The following VARS1 variants were observed in gnomAD, a reference collection of about 807,000 sequenced individuals.
VARS1 encodes valyl-tRNA synthetase 1.
In VARS1, 92 loss-of-function variants were observed where a neutral mutation model predicts 161.0. The ratio of observed to expected loss-of-function variants is 0.57; its 90% CI spans 0.48 to 0.68. The LOEUF (loss-of-function observed/expected upper bound fraction) is 0.68. Among genes scored for constraint, VARS1 ranks in the 30% least tolerant of loss-of-function variants. The probability of loss-of-function intolerance (pLI) is 0.00; values close to 1 mark genes in which losing one functional copy is unlikely to be tolerated. For missense variants in VARS1, 1,338 were observed against 1,695.9 expected (o/e 0.79, Z 3.71); for synonymous variants, 595 against 682.5 (o/e 0.87, Z 2.00).
rs1174129028 is a variant in VARS1 at position 31,781,827 on chromosome 6, C to T, written c.2347+20G>A. The T allele has an allele frequency of 3.1e-6, 5 of 1,613,060 alleles. No individual in the cohort carries two copies. The highest frequency in any genetic ancestry group is 3.4e-6 in the Non-Finnish European group (4 of 1,180,026). ...TCTGCCCCCCACAACTCCCTCCAGA[C>T]CCTCAAAGCCCCGCCTTGCCTTGCT... On this transcript the variant is annotated intron_variant, in intron 19 of 29. Transcript: ENST00000375663. The surrounding 1 kb of genome is among the most constrained non-coding windows in gnomAD (Gnocchi z 6.8).
rs779600047 is a variant in VARS1, at chr6:31,781,593, C to G, written c.2432G>C (p.Ser811Thr). Residue 811 changes from serine (S) to threonine (T), a missense_variant, in exon 21 of 30, where the codon AGT becomes ACT. Coordinates refer to ENST00000375663, the MANE Select transcript of VARS1 (RefSeq NM_006295.3). This position sits in a 1 kb window ranked among gnomAD's most constrained non-coding sequence, Gnocchi z 6.8. ...CAGCAGTGTCCCGGGGTAGAACACA[C>G]TCAGGTCTTCTGACTGAGGGCAGAC... ...LGWPNQSEDLSVFYPGTLLET... is the reference protein window; with the variant it reads ...LGWPNQSEDLTVFYPGTLLET... 4 of 1,613,016 alleles carry G rather than the reference C, an allele frequency of 2.5e-6. No homozygotes were observed. Among genetic ancestry groups the G allele is most frequent in the Non-Finnish European group, 3.4e-6 (4 of 1,179,994 alleles).
In VARS1 at chr6:31,785,361, C is replaced by T. The variant is rs745825759; in HGVS notation, c.1266-34G>A. 1 of 1,612,288 alleles carries T rather than the reference C, an allele frequency of 6.2e-7. No homozygotes were observed. The highest frequency in any genetic ancestry group is 8.5e-7 in the Non-Finnish European group (1 of 1,179,534). ...AGACAGGCTGAGGTCAGCACTCGTG[C>T]CTGGGCTAGAGGGAGACATCAGGTG... On this transcript the variant is annotated intron_variant, in intron 9 of 29. Transcript: ENST00000375663. This position sits in a 1 kb window ranked among gnomAD's most constrained non-coding sequence, Gnocchi z 6.1.
intron 6 of VARS1, 58 bp from the exon 7 acceptor site, chr6:31,792,029 C>T (rs1022466696): frequency 2.1e-5 from 32 of 1,498,488 alleles, no homozygotes; most frequent in African/African-American, 2.1e-4. Flanking sequence ...GGGAAGGAGA[C>T]GTGCTGGCAG....
At chr6:31,786,665 CAAAAAAAAAAAAA>C (rs9279417) in intron 8 of VARS1, among the ~76,000 whole-genome samples, 7 of 31,590 alleles carry the variant, frequency 2.2e-4, no homozygotes, top group Admixed American at 1.4e-3. Context: ...GACTCTGTCT[CAAAAAAAAAAAAA>C]AAAAAAAAAA....
chr6:31,782,828 G>A lies in VARS1; in HGVS notation c.1780C>T (p.Pro594Ser), dbSNP rs1040606393. 14 of 1,612,390 alleles carry A rather than the reference G, an allele frequency of 8.7e-6. No individual in the cohort carries two copies. In the African/African-American group the frequency reaches 1.5e-4, roughly 17 times the overall value. Reference sequence around the variant, plus strand: ...TCATAGTCATTTTGGTCATGTGCGGGGGTGATCTTCACAGCACCTGGGTGT... The same window carrying A: ...TCATAGTCATTTTGGTCATGTGCGGAGGTGATCTTCACAGCACCTGGGTGT... ...DFGTGAVKIT[P>S]AHDQNDYEVG... The change falls in exon 15 of 30, where the codon CCC becomes TCC. Residue 594 changes from proline to serine, a missense_variant. Pro to Ser is a moderately conservative substitution (Grantham distance 74). Transcript: ENST00000375663. The surrounding 1 kb of genome is among the most constrained non-coding windows in gnomAD (Gnocchi z 8.3).
chr6:31,790,602 C>CAAAAAAA (rs9279419), intron 8 of VARS1, among the ~76,000 whole-genome samples: 5 of 43,386 alleles, frequency 1.2e-4, no homozygotes, highest in Non-Finnish European at 1.9e-4. Context: ...AACTCTGTCT[C>CAAAAAAA]AAAAAAAAAA....
rs761812699 is a variant in VARS1 at position 31,782,509 on chromosome 6, G to A, written c.1991+21C>T. The A allele has an allele frequency of 1.4e-5, 22 of 1,612,906 alleles. No individual in the cohort carries two copies. The highest frequency in any genetic ancestry group is 8.8e-5 in the South Asian group (8 of 91,072). On this transcript the variant is annotated intron_variant, in intron 16 of 29. Transcript: ENST00000375663. This position sits in a 1 kb window ranked among gnomAD's most constrained non-coding sequence, Gnocchi z 8.3. ...CTGAGGAGCCCTCCATCTTCCTCCC[G>A]TCCCAGGCCCCCACCCTCACTTGCA...
chr6:31,792,935 A>G, intron 3 of VARS1, 40 bp from the exon 4 acceptor site: 1 of 1,614,152 alleles, frequency 6.2e-7, no homozygotes, highest in Non-Finnish European at 8.5e-7. Flanking sequence ...GTCACCCTAC[A>G]GTGAGGTCTG....
At position 31,795,104 on chromosome 6, in the gene VARS1, G is replaced by T; in HGVS notation, c.114C>A (p.Pro38=). ...GEGPGWGGAH[P]RICLQPPPTS... ...TCGGGGGTGGCTGGAGACAGATGCG[G>T]GGGTGGGCTCCTCCCCATCCGGGAC... The change falls in exon 2 of 30, where the codon CCC becomes CCA. Residue 38 remains proline, a synonymous_variant. Transcript: ENST00000375663. This position sits in a 1 kb window ranked among gnomAD's most constrained non-coding sequence, Gnocchi z 6.9. 1 of 1,488,850 alleles carries T rather than the reference G, an allele frequency of 6.7e-7. No homozygotes were observed. Among genetic ancestry groups the T allele is most frequent in the Non-Finnish European group, 9.0e-7 (1 of 1,117,104 alleles). The allele number at this position is 1,488,850 out of a possible 1,614,324, so 92.2% of individuals were successfully genotyped here. A position where few individuals can be genotyped will look rare whatever the true frequency, so the allele number is the denominator to read the frequency against.
intron 8 of VARS1, among the ~76,000 whole-genome samples, chr6:31,788,372 C>T (rs982997215): frequency 3.3e-5 from 5 of 151,454 alleles, no homozygotes; most frequent in African/African-American, 4.9e-5. Flanking sequence ...TGGTGGCATG[C>T]GCCTGTAATC....
At position 31,795,008 on chromosome 6, in the gene VARS1, C is replaced by T. The variant is rs753770365; in HGVS notation, c.210G>A (p.Trp70Ter). Residue 70 changes from tryptophan to a stop codon, truncating the protein, a stop_gained, in exon 2 of 30, where the codon TGG becomes TGA. Coordinates refer to ENST00000375663, the MANE Select transcript of VARS1 (RefSeq NM_006295.3). LOFTEE classifies it high-confidence loss of function. This position sits in a 1 kb window ranked among gnomAD's most constrained non-coding sequence, Gnocchi z 6.9. The stretch of plus-strand genomic sequence containing the variant: ...GCAGCTGGGCCACAGCCGTGGCCCC[C>T]CACACCCAGAGCCCACCGGGCCCCT... The part of the protein sequence containing the change: ...LEQGPGGLWV[W>*]GATAVAQLLW... 1 of 1,600,958 alleles carries T rather than the reference C, an allele frequency of 6.2e-7. No homozygotes were observed. The highest frequency in any genetic ancestry group is 8.5e-7 in the Non-Finnish European group (1 of 1,172,528).
chr6:31,788,076 C>T (rs1813619484), intron 8 of VARS1, among the ~76,000 whole-genome samples: 1 of 150,958 alleles, frequency 6.6e-6, no homozygotes, highest in Non-Finnish European at 1.5e-5. Flanking sequence ...GCAGAGACTG[C>T]GCCACTGCAC....
Position 31,778,918 on chromosome 6 carries a change from T to C in VARS1, c.3726+49A>G. The stretch of plus-strand genomic sequence containing the variant: ...ACTCGGACCAGCCCAGACCAGGGTT[T>C]TGATGGAGGAAGGGGATGGTGTGGG... On this transcript the variant is annotated intron_variant, in intron 29 of 29. Coordinates refer to ENST00000375663, the MANE Select transcript of VARS1 (RefSeq NM_006295.3). This position sits in a 1 kb window ranked among gnomAD's most constrained non-coding sequence, Gnocchi z 5.1. The C allele has an allele frequency of 6.2e-7, 1 of 1,611,096 alleles. No individual in the cohort carries two copies.
chr6:31,789,301 G>GA (rs1328717642), intron 8 of VARS1, among the ~76,000 whole-genome samples: 1 of 151,904 alleles, frequency 6.6e-6, no homozygotes, highest in African/African-American at 2.4e-5. Context: ...GAAAAACGGG[G>GA]AAAAGATAGA....
chr6:31,783,546 G>C (rs1200323929), intron 13 of VARS1, among the ~76,000 whole-genome samples: 3 of 152,000 alleles, frequency 2.0e-5, no homozygotes. Context: ...GAAGGGGCCT[G>C]GTGCCATGGC....
In VARS1 at chr6:31,779,051, C is replaced by T. The variant is rs770088989; in HGVS notation, c.3642G>A (p.Gln1214=). 4 of 1,612,702 alleles carry T rather than the reference C, an allele frequency of 2.5e-6. No individual in the cohort carries two copies. In the Admixed American group the frequency reaches 5.0e-5, roughly 20 times the overall value. Residue 1214 remains glutamine (Q), a synonymous_variant, in exon 29 of 30, where the codon CAG becomes CAA. Coordinates refer to ENST00000375663, the MANE Select transcript of VARS1 (RefSeq NM_006295.3). The surrounding 1 kb of genome is among the most constrained non-coding windows in gnomAD (Gnocchi z 9.1). ...LQAKRVEAQR[Q]AQRLRERRAA... is the part of the protein sequence containing the mutation. ...CACGGCGTTCCCGCAGACGCTGGGC[C>T]TGCCGCTGGGCCTCAACTCGCTTGG...
Position 31,781,962 on chromosome 6 carries a change from G to A in VARS1, c.2242-10C>T, listed in dbSNP as rs762587470. 2.0e-5 allele frequency: 33 copies of A among 1,612,970 alleles called. No homozygotes were observed. Among genetic ancestry groups the A allele is most frequent in the Non-Finnish European group, 2.8e-5 (33 of 1,180,016 alleles). ...ACCGCCCATCAGGGTCCTGCCACAG[G>A]TGCAGTGATTACCCAAGGGGGTGTG... is the stretch of plus-strand genomic sequence containing the variant. On this transcript the variant is annotated splice_polypyrimidine_tract_variant and intron_variant, in intron 18 of 29. Coordinates refer to ENST00000375663, the MANE Select transcript of VARS1 (RefSeq NM_006295.3). This position sits in a 1 kb window ranked among gnomAD's most constrained non-coding sequence, Gnocchi z 6.8.
At position 31,785,201 on chromosome 6, in the gene VARS1, G is replaced by T. The variant is rs1265401576; in HGVS notation, c.1347+45C>A. ...TTCTCCTGTGGGGGTCCCACCCTGG[G>T]GAGACTCCTACTCCTGCCCCAGCTT... On this transcript the variant is annotated intron_variant, in intron 10 of 29. Coordinates refer to ENST00000375663, the MANE Select transcript of VARS1 (RefSeq NM_006295.3). The surrounding 1 kb of genome is among the most constrained non-coding windows in gnomAD (Gnocchi z 6.1). 2 of 1,610,742 alleles carry T rather than the reference G, an allele frequency of 1.2e-6. No individual in the cohort carries two copies. The highest frequency in any genetic ancestry group is 1.7e-6 in the Non-Finnish European group (2 of 1,178,024).
chr6:31,785,184 T>TG lies in VARS1; in HGVS notation c.1347+61dup. ...GCCACAACACCTCTGCTTTCTCCTG[T>TG]GGGGGTCCCACCCTGGGGAGACTCC... On this transcript the variant is annotated intron_variant, in intron 10 of 29. Transcript: ENST00000375663. The surrounding 1 kb of genome is among the most constrained non-coding windows in gnomAD (Gnocchi z 6.1). The TG allele has an allele frequency of 1.3e-6, 2 of 1,599,984 alleles. No homozygotes were observed. Among genetic ancestry groups the TG allele is most frequent in the Non-Finnish European group, 1.7e-6 (2 of 1,168,580 alleles).
Sources: allele counts gnomAD v4.1 joint callset (sites outside exome capture counted in the v4.1 genomes callset), GRCh38; gene constraint gnomAD v4.1.1; non-coding constraint Gnocchi (gnomAD v3.1); transcripts MANE v1.5; gene names NCBI Gene and HGNC (gene_info 2026-07-23, HGNC 2026-07-21).